SLC39A11: variants seen among roughly 807,000 people sequenced by gnomAD.
The protein encoded by SLC39A11 is zinc transporter ZIP11.
In SLC39A11, 33 loss-of-function variants were observed where a neutral mutation model predicts 36.1. That is an observed-to-expected ratio of 0.91 (90% CI 0.69 to 1.22). The LOEUF (loss-of-function observed/expected upper bound fraction) is 1.22, where lower values mean the gene tolerates loss of function less well. Ranked by LOEUF, SLC39A11 falls within the 50% of genes most tolerant of loss-of-function variation. SLC39A11 has a pLI of 0.00. For missense variants in SLC39A11, 432 were observed against 430.3 expected, an observed-to-expected ratio of 1.00 and a Z score of -0.03; for synonymous variants, 166 against 170.3, an observed-to-expected ratio of 0.97 and a Z score of 0.20.
intron 5 of SLC39A11, among the ~76,000 whole-genome samples, chr17:72,910,117 CACA>C (rs1396851234): frequency 6.6e-6 from 1 of 151,992 alleles, no homozygotes; most frequent in Admixed American, 6.6e-5. Context: ...TCAATTCTAT[CACA>C]ACATTTTTAG....
intron 3 of SLC39A11, among the ~76,000 whole-genome samples, chr17:73,069,364 G>C (rs1197688968): frequency 2.0e-5 from 3 of 152,194 alleles, no homozygotes; most frequent in African/African-American, 7.2e-5. Context: ...ATTATATCTT[G>C]CTTCTTTGCC....
At chr17:72,880,580 C>T (rs2081146191) in intron 5 of SLC39A11, among the ~76,000 whole-genome samples, 2 of 151,982 alleles carry the variant, frequency 1.3e-5, no homozygotes, top group Admixed American at 1.3e-4. Context: ...AAGAAAAGAA[C>T]TTGGTATTGC....
intron 4 of SLC39A11, among the ~76,000 whole-genome samples, chr17:72,951,097 T>TAAAAA (rs761429572): frequency 1.4e-5 from 2 of 139,426 alleles, no homozygotes; most frequent in Non-Finnish European, 1.5e-5. Flanking sequence ...CCCCATTTCT[T>TAAAAA]AAAAAAAAAA....
chr17:72,650,572 G>T (rs1032376145), intron 7 of SLC39A11, among the ~76,000 whole-genome samples: 1 of 152,164 alleles, frequency 6.6e-6, no homozygotes, highest in Admixed American at 6.5e-5. Flanking sequence ...ACCTTGGCCG[G>T]ACAGTTCCAA....
rs532728914 is a variant in SLC39A11, at chr17:73,062,803, T to C, written c.147+22005A>G. On this transcript the variant is annotated intron_variant, in intron 3 of 9. Coordinates refer to ENST00000255559, the MANE Select transcript of SLC39A11 (RefSeq NM_139177.4). ...CACCTCAAATCATCAGGCGTTAGAG[T>C]CTCATAAGGAGACCGTAACCTAGAT... is the stretch of plus-strand genomic sequence containing the variant. Among the ~76,000 whole-genome samples, 30 of 152,012 alleles carry C rather than the reference T, an allele frequency of 2.0e-4. No individual in the cohort carries two copies. In the South Asian group the frequency reaches 5.6e-3, roughly 28 times the overall value.
At chr17:72,984,315 GC>G (rs1446371886) in intron 4 of SLC39A11, among the ~76,000 whole-genome samples, 1 of 151,820 alleles carries the variant, frequency 6.6e-6, no homozygotes, top group Non-Finnish European at 1.5e-5. Context: ...ACCTGAAGGG[GC>G]TTGGTCAAAC....
At chr17:72,978,485 T>TG (rs1180359142) in intron 4 of SLC39A11, among the ~76,000 whole-genome samples, 3 of 151,952 alleles carry the variant, frequency 2.0e-5, no homozygotes, top group Non-Finnish European at 2.9e-5. Flanking sequence ...ACGCACATTG[T>TG]GGGGGGTCAG....
chr17:73,067,975 A>T, intron 3 of SLC39A11: 1 of 1,593,018 alleles, frequency 6.3e-7, no homozygotes, highest in Non-Finnish European at 8.6e-7. Flanking sequence ...CAAAGGACTG[A>T]TTCACATAAA....
At chr17:73,054,722 C>A (rs146525472) in intron 3 of SLC39A11, among the ~76,000 whole-genome samples, 1 of 150,920 alleles carries the variant, frequency 6.6e-6, no homozygotes, top group Non-Finnish European at 1.5e-5. Flanking sequence ...GCAAGAGAAT[C>A]GCTTGAACCT....
intron 7 of SLC39A11, among the ~76,000 whole-genome samples, chr17:72,676,305 C>A (rs756849322): frequency 3.3e-5 from 5 of 152,132 alleles, no homozygotes; most frequent in Non-Finnish European, 7.3e-5. Flanking sequence ...CCCCTGATAC[C>A]TTCTGAAGTA....
intron 6 of SLC39A11, among the ~76,000 whole-genome samples, chr17:72,795,737 T>C (rs1316676041): frequency 6.6e-6 from 1 of 152,172 alleles, no homozygotes; most frequent in East Asian, 1.9e-4. Flanking sequence ...TAGCACACCA[T>C]GCCTCGGCTT....
intron 7 of SLC39A11, among the ~76,000 whole-genome samples, chr17:72,715,706 T>G (rs112828224): frequency 0.054 from 8,268 of 152,124 alleles, 326 homozygotes; most frequent in African/African-American, 0.11. Context: ...GTACCATCTT[T>G]TTTTATTTTT....
intron 5 of SLC39A11, among the ~76,000 whole-genome samples, chr17:72,898,350 G>A (rs1195186647): frequency 1.3e-5 from 2 of 152,184 alleles, no homozygotes; most frequent in Non-Finnish European, 2.9e-5. Flanking sequence ...GCCTCCCGGC[G>A]CATCCACTCA....
chr17:73,041,002 C>CA (rs1197829327), intron 3 of SLC39A11, among the ~76,000 whole-genome samples: 9 of 134,362 alleles, frequency 6.7e-5, no homozygotes, highest in African/African-American at 2.6e-4. Flanking sequence ...AAACAAAAAA[C>CA]AAAAAACAAA....
intron 3 of SLC39A11, chr17:73,068,258 A>G: frequency 1.3e-6 from 1 of 742,884 alleles, no homozygotes; most frequent in Admixed American, 2.4e-5. Context: ...TGAGGGAGGA[A>G]GCTGCAACAT....
chr17:72,670,233 T>C (rs999810329), intron 7 of SLC39A11, among the ~76,000 whole-genome samples: 7 of 146,702 alleles, frequency 4.8e-5, no homozygotes, highest in African/African-American at 1.8e-4. Flanking sequence ...ATGCCAGGCA[T>C]GGTGGCACAC....
chr17:72,749,744 G>A (rs2144291455), intron 6 of SLC39A11, among the ~76,000 whole-genome samples: 1 of 152,224 alleles, frequency 6.6e-6, no homozygotes, highest in South Asian at 2.1e-4. Context: ...CCGAAGGCAG[G>A]AGGTCTCTAA....
intron 4 of SLC39A11, among the ~76,000 whole-genome samples, chr17:73,026,556 A>AGACGAAAGAAAAGAGAC (rs2058564479): frequency 6.6e-6 from 1 of 151,446 alleles, no homozygotes; most frequent in African/African-American, 2.4e-5. Flanking sequence ...AGAAAAGAGA[A>AGACGAAAGAAAAGAGAC]GACAAAAGAA....
intron 6 of SLC39A11, among the ~76,000 whole-genome samples, chr17:72,832,221 T>C (rs1207854750): frequency 6.6e-6 from 1 of 152,210 alleles, no homozygotes; most frequent in Non-Finnish European, 1.5e-5. Context: ...AGCCATACAC[T>C]TGTCTATTCT....
Sources: allele counts gnomAD v4.1 joint callset (sites outside exome capture counted in the v4.1 genomes callset), GRCh38; gene constraint gnomAD v4.1.1; transcripts MANE v1.5; gene names NCBI Gene and HGNC (gene_info 2026-07-23, HGNC 2026-07-21).